ESCO2: variants seen among roughly 807,000 people sequenced by gnomAD.
ESCO2 encodes the protein establishment of sister chromatid cohesion N-acetyltransferase 2.
ESCO2 carries 51 observed loss-of-function variants against 61.7 expected under a neutral mutation model. The observed-to-expected ratio is 0.83, with a 90% CI of 0.66 to 1.04. The LOEUF is 1.04. ESCO2 is among the 50% of genes least tolerant of loss of function. The pLI is 0.00. For synonymous variants in ESCO2, 230 were observed against 238.2 expected (o/e 0.97, Z 0.32); for missense variants, 692 against 686.2 (o/e 1.01, Z -0.09).
the ESCO2 span, among the ~76,000 whole-genome samples, chr8:27,818,147 A>G: frequency 6.6e-6 from 1 of 152,122 alleles, no homozygotes; most frequent in Non-Finnish European, 1.5e-5. Flanking sequence ...ACAAGGTGCT[A>G]ATGGCCATGC....
At chr8:27,798,668 A>G (rs1222594216) in intron 9 of ESCO2, among the ~76,000 whole-genome samples, 4 of 152,236 alleles carry the variant, frequency 2.6e-5, no homozygotes, top group Non-Finnish European at 5.9e-5. Flanking sequence ...ATACAGCCAT[A>G]TGATGGAATA....
At chr8:27,775,683 GTGATAACC>G in intron 2 of ESCO2, 116 bp downstream of exon 2, 3 of 880,990 alleles carry the variant, frequency 3.4e-6, no homozygotes, top group Non-Finnish European at 5.8e-6. Flanking sequence ...TGTGGCTACA[GTGATAACC>G]TGATAACCTA....
chr8:27,780,373 G>T, intron 4 of ESCO2, 106 bp downstream of exon 4: 1 of 754,998 alleles, frequency 1.3e-6, no homozygotes. Context: ...TTTCAGTAGC[G>T]TGCCTGTGGT....
downstream of ESCO2, chr8:27,810,076 G>C: frequency 2.0e-6 from 1 of 496,932 alleles, no homozygotes; most frequent in Non-Finnish European, 3.5e-6. Flanking sequence ...CAGTATCAAA[G>C]TACTTATGTA....
downstream of ESCO2, among the ~76,000 whole-genome samples, chr8:27,809,155 A>G (rs1805620227): frequency 1.3e-5 from 2 of 152,192 alleles, no homozygotes; most frequent in South Asian, 4.1e-4. Context: ...AGAGTGACAC[A>G]TGTCAGAGTG....
chr8:27,818,615 ATC>A, the ESCO2 span, among the ~76,000 whole-genome samples: 1 of 152,130 alleles, frequency 6.6e-6, no homozygotes, highest in Admixed American at 6.5e-5. Flanking sequence ...TAGAGCTTTT[ATC>A]TGTTTCTCAT....
chr8:27,788,394 A>T (rs1324897003), intron 6 of ESCO2, among the ~76,000 whole-genome samples: 1 of 152,152 alleles, frequency 6.6e-6, no homozygotes, highest in Non-Finnish European at 1.5e-5. Flanking sequence ...CCACAATTTA[A>T]TCTTATTCTT....
At chr8:27,801,415 C>A (rs1047646734) in intron 10 of ESCO2, among the ~76,000 whole-genome samples, 1 of 152,062 alleles carries the variant, frequency 6.6e-6, no homozygotes, top group Non-Finnish European at 1.5e-5. Flanking sequence ...TTATGGGGAC[C>A]GGATCTTGGG....
intron 2 of ESCO2, 151 bp from the exon 3 acceptor site, chr8:27,776,211 A>T: frequency 1.6e-6 from 1 of 633,476 alleles, no homozygotes; most frequent in Non-Finnish European, 2.7e-6. Context: ...AGAATTTGAG[A>T]ATCCTACTGT....
chr8:27,810,574 T>C (rs1805658046), downstream of ESCO2: 1 of 817,604 alleles, frequency 1.2e-6, no homozygotes, highest in African/African-American at 1.7e-5. Context: ...AGCTCACCCT[T>C]CTCCTGAAAC....
downstream of ESCO2, among the ~76,000 whole-genome samples, chr8:27,814,905 A>G (rs1392796344): frequency 6.6e-6 from 1 of 152,216 alleles, no homozygotes; most frequent in Non-Finnish European, 1.5e-5. Context: ...TACTTCTGCT[A>G]TAACTAGGAT....
intron 1 of ESCO2, 127 bp downstream of exon 1, chr8:27,774,734 C>T (rs942742264): frequency 2.6e-5 from 4 of 152,254 alleles, no homozygotes; most frequent in African/African-American, 9.6e-5. Flanking sequence ...GTCCGCAGGC[C>T]CGAGACCGAA....
At chr8:27,786,974 T>C (rs1029068612) in intron 5 of ESCO2, among the ~76,000 whole-genome samples, 4 of 151,814 alleles carry the variant, frequency 2.6e-5, no homozygotes, top group Non-Finnish European at 5.9e-5. Context: ...ACTCAGTACC[T>C]ACAGAACCAG....
At chr8:27,815,380 G>A (rs541392533), downstream of ESCO2, among the ~76,000 whole-genome samples, 1 of 152,320 alleles carries the variant, frequency 6.6e-6, no homozygotes, top group South Asian at 2.1e-4. Context: ...AAGGAAAGAT[G>A]AGTGGTGTCT....
intron 4 of ESCO2, among the ~76,000 whole-genome samples, chr8:27,782,643 C>T (rs1314028769): frequency 6.6e-6 from 1 of 151,618 alleles, no homozygotes; most frequent in African/African-American, 2.4e-5. Flanking sequence ...CAGCTCATGC[C>T]ATTCTTCTCT....
At chr8:27,774,245 A>C (rs1425805648), upstream of ESCO2, 1 of 152,076 alleles carries the variant, frequency 6.6e-6, no homozygotes, top group Non-Finnish European at 1.5e-5. Context: ...TTTTACAAAA[A>C]TTTCTTACCC....
chr8:27,776,802 C>T lies in ESCO2; in HGVS notation c.494C>T (p.Ser165Phe). The T allele has an allele frequency of 6.2e-7, 1 of 1,614,026 alleles. No individual in the cohort carries two copies. Among genetic ancestry groups the T allele is most frequent in the South Asian group, 1.1e-5 (1 of 91,080 alleles). ...CCTGTATCAAGGAATTCTAGAAATT[C>T]CAAGCAAAATCGAGTGATCTATAAG... is the stretch of plus-strand genomic sequence containing the variant. Reference protein sequence around the residue: ...IKPVSRNSRNSKQNRVIYKPI... With the variant: ...IKPVSRNSRNFKQNRVIYKPI... Residue 165 changes from serine to phenylalanine, a missense_variant, in exon 3 of 11, where the codon TCC becomes TTC. Physicochemically the swap from Ser to Phe is radical, Grantham distance 155. Coordinates refer to ENST00000305188, the MANE Select transcript of ESCO2 (RefSeq NM_001017420.3).
upstream of ESCO2, chr8:27,772,713 A>T: frequency 1.6e-6 from 1 of 622,972 alleles, no homozygotes; most frequent in Non-Finnish European, 2.9e-6. Flanking sequence ...AATCCTGGCG[A>T]GGCGAAGTGT....
At chr8:27,772,812 C>G (rs955238568), upstream of ESCO2, among the ~76,000 whole-genome samples, 3 of 152,104 alleles carry the variant, frequency 2.0e-5, no homozygotes, top group African/African-American at 7.2e-5. Context: ...CTGTGCTTCA[C>G]TTTCCTCAGC....
Sources: gnomAD v4.1 joint callset for allele counts (sites outside exome capture counted in the v4.1 genomes callset) on GRCh38, gnomAD v4.1.1 for gene constraint, MANE v1.5 for transcripts, NCBI Gene and HGNC (gene_info 2026-07-23, HGNC 2026-07-21) for gene names.